Variants in NRXN3 observed in about 807,000 individuals in gnomAD.
The protein encoded by NRXN3 is neurexin III.
Under a neutral mutation model 137.6 loss-of-function variants are expected in NRXN3, and 32 were observed. The ratio of observed to expected loss-of-function variants is 0.23; its 90% CI spans 0.18 to 0.31. NRXN3 has a LOEUF of 0.31. NRXN3 is among the 10% of genes least tolerant of loss of function. The pLI, the probability that NRXN3 is intolerant of heterozygous loss-of-function variation, is 1.00. For synonymous variants in NRXN3, 798 were observed against 784.5 expected (o/e 1.02, Z -0.29); for missense variants, 1,574 against 2,062.5 (o/e 0.76, Z 4.59).
chr14:78,800,176 A>C (rs1423755578), intron 8 of NRXN3, among the ~76,000 whole-genome samples: 1 of 152,218 alleles, frequency 6.6e-6, no homozygotes, highest in Admixed American at 6.5e-5. Flanking sequence ...TGCTCCAGGC[A>C]TAGCTCTATG....
intron 15 of NRXN3, among the ~76,000 whole-genome samples, chr14:79,375,057 A>C (rs1338352258): frequency 6.6e-6 from 1 of 152,156 alleles, no homozygotes; most frequent in Non-Finnish European, 1.5e-5. Context: ...TCAGACATCC[A>C]CCTAGTGCTC....
intron 19 of NRXN3, among the ~76,000 whole-genome samples, chr14:79,729,860 A>G (rs1364503777): frequency 1.3e-5 from 2 of 152,276 alleles, no homozygotes; most frequent in Non-Finnish European, 2.9e-5. Flanking sequence ...TTGTGGAAAG[A>G]GTCAAGCTTG....
At chr14:79,002,466 G>A (rs1598409390) in intron 15 of NRXN3, among the ~76,000 whole-genome samples, 1 of 152,244 alleles carries the variant, frequency 6.6e-6, no homozygotes, top group South Asian at 2.1e-4. Context: ...AGAATATGCA[G>A]TGTTTGGTTT....
chr14:79,789,501 TAGAC>T (rs1171723708), intron 19 of NRXN3, among the ~76,000 whole-genome samples: 6 of 152,164 alleles, frequency 3.9e-5, no homozygotes, highest in Non-Finnish European at 7.3e-5. Context: ...GGCTACTTCA[TAGAC>T]AGAGCATCCC....
chr14:78,842,047 T>A (rs1283001881), intron 10 of NRXN3, among the ~76,000 whole-genome samples: 1 of 152,166 alleles, frequency 6.6e-6, no homozygotes, highest in Non-Finnish European at 1.5e-5. Context: ...TCCTTTGCCT[T>A]GGGAATCAAA....
At chr14:78,473,336 A>C (rs976349710) in intron 4 of NRXN3, among the ~76,000 whole-genome samples, 2 of 150,520 alleles carry the variant, frequency 1.3e-5, no homozygotes, top group Non-Finnish European at 2.9e-5. Flanking sequence ...TGGGAGGTGG[A>C]GCTTGCAGTG....
intron 10 of NRXN3, among the ~76,000 whole-genome samples, chr14:78,924,327 A>G (rs150387567): frequency 3.9e-5 from 6 of 152,254 alleles, no homozygotes; most frequent in Non-Finnish European, 7.3e-5. Flanking sequence ...TTTTATCTTA[A>G]GTAGTTTATG....
intron 1 of NRXN3, among the ~76,000 whole-genome samples, chr14:78,241,267 C>T (rs1035880400): frequency 2.0e-5 from 3 of 152,148 alleles, no homozygotes; most frequent in African/African-American, 7.2e-5. Flanking sequence ...CAAATAACCC[C>T]TCCTCCTGTC....
chr14:79,321,684 A>G (rs906296970), intron 15 of NRXN3, among the ~76,000 whole-genome samples: 1 of 151,502 alleles, frequency 6.6e-6, no homozygotes, highest in African/African-American at 2.4e-5. Context: ...CAACTAGTAT[A>G]AGGAATGCTG....
intron 10 of NRXN3, among the ~76,000 whole-genome samples, chr14:78,937,457 A>G (rs1205455531): frequency 6.6e-6 from 1 of 152,320 alleles, no homozygotes; most frequent in South Asian, 2.1e-4. Context: ...GCAGTAGTGG[A>G]GAAACTTGGC....
intron 19 of NRXN3, among the ~76,000 whole-genome samples, chr14:79,759,207 GT>G (rs2099030098): frequency 6.8e-6 from 1 of 147,930 alleles, no homozygotes; most frequent in African/African-American, 2.7e-5. Context: ...AGAACTTCTT[GT>G]TATAACTGGG....
intron 15 of NRXN3, among the ~76,000 whole-genome samples, chr14:79,230,532 A>C (rs1479828209): frequency 2.0e-5 from 3 of 152,200 alleles, no homozygotes; most frequent in African/African-American, 7.2e-5. Context: ...CCACAGGTTG[A>C]AACAAACCTT....
At chr14:79,154,975 G>A (rs2060130680) in intron 15 of NRXN3, among the ~76,000 whole-genome samples, 1 of 151,848 alleles carries the variant, frequency 6.6e-6, no homozygotes, top group Non-Finnish European at 1.5e-5. Context: ...ATGTTCCCCT[G>A]TGGATCTCTT....
At chr14:79,738,315 C>CCACACA (rs10539564) in intron 19 of NRXN3, among the ~76,000 whole-genome samples, 4,462 of 137,962 alleles carry the variant, frequency 0.032, 138 homozygotes, top group East Asian at 0.064. Context: ...ATTTCCCCCG[C>CCACACA]CACACACACA....
intron 16 of NRXN3, among the ~76,000 whole-genome samples, chr14:79,584,098 A>AT (rs34955384): frequency 0.42 from 63,876 of 151,826 alleles, 16,458 homozygotes; most frequent in African/African-American, 0.72. Context: ...TACTAGGATA[A>AT]TTTTTTCTCC....
chr14:79,170,606 C>T (rs548175324), intron 15 of NRXN3, among the ~76,000 whole-genome samples: 1 of 152,180 alleles, frequency 6.6e-6, no homozygotes, highest in East Asian at 1.9e-4. Context: ...GAAAATACAT[C>T]TCTACTTTTT....
intron 4 of NRXN3, among the ~76,000 whole-genome samples, chr14:78,501,041 A>G (rs2095868897): frequency 6.6e-6 from 1 of 152,164 alleles, no homozygotes; most frequent in Admixed American, 6.6e-5. Flanking sequence ...CCCCACTCCT[A>G]GTTGATTCCC....
chr14:79,328,591 G>A (rs2091250128), intron 15 of NRXN3, among the ~76,000 whole-genome samples: 3 of 152,110 alleles, frequency 2.0e-5, no homozygotes, highest in Admixed American at 6.5e-5. Context: ...AACTTGTCAT[G>A]TTGTTTTATA....
At chr14:78,519,756 G>T (rs554934262) in intron 4 of NRXN3, among the ~76,000 whole-genome samples, 1 of 151,346 alleles carries the variant, frequency 6.6e-6, no homozygotes, top group East Asian at 2.0e-4. Flanking sequence ...GAAGGAGTAG[G>T]AGTTGCCTAG....
Sources: gnomAD v4.1 joint callset for allele counts (sites outside exome capture counted in the v4.1 genomes callset) on GRCh38, gnomAD v4.1.1 for gene constraint, MANE v1.5 for transcripts, NCBI Gene and HGNC (gene_info 2026-07-23, HGNC 2026-07-21) for gene names.